The following EIF4E3 variants were observed in gnomAD, a reference collection of about 807,000 sequenced individuals.
EIF4E3 encodes eukaryotic translation initiation factor 4E family member 3, also known as eukaryotic translation initiation factor 4E type 3.
A neutral mutation model predicts 31.7 loss-of-function variants in EIF4E3; 26 were observed. The observed-to-expected ratio is 0.82, with a 90% CI of 0.60 to 1.14. The LOEUF (loss-of-function observed/expected upper bound fraction) is 1.14, where lower values mean the gene tolerates loss of function less well. EIF4E3 is among the 50% of genes most tolerant of loss of function. EIF4E3 has a pLI of 0.00. For synonymous variants in EIF4E3, 128 were observed against 107.7 expected (o/e 1.19, Z -1.17); for missense variants, 304 against 270.9 (o/e 1.12, Z -0.86).
intron 2 of EIF4E3, among the ~76,000 whole-genome samples, chr3:71,705,182 G>A (rs2049272074): frequency 6.6e-6 from 1 of 152,096 alleles, no homozygotes; most frequent in African/African-American, 2.4e-5. Context: ...GTCTTGCTGT[G>A]TCCAGGGCAG....
At chr3:71,670,547 G>T (rs2048842643), downstream of EIF4E3, among the ~76,000 whole-genome samples, 2 of 152,258 alleles carry the variant, frequency 1.3e-5, no homozygotes, top group South Asian at 4.2e-4. Flanking sequence ...AAAGTTTTTG[G>T]TGGGGAGAGG....
chr3:71,697,833 A>T (rs1687744231), intron 3 of EIF4E3, among the ~76,000 whole-genome samples: 1 of 152,184 alleles, frequency 6.6e-6, no homozygotes, highest in African/African-American at 2.4e-5. Context: ...ACTTAGGTTG[A>T]TTCCATATCT....
intron 1 of EIF4E3, among the ~76,000 whole-genome samples, chr3:71,731,628 G>A (rs994040761): frequency 1.3e-5 from 2 of 152,182 alleles, no homozygotes; most frequent in Admixed American, 6.5e-5. Context: ...AACAAACTGG[G>A]TATACAGCAG....
chr3:71,721,657 T>C (rs2049551420), intron 1 of EIF4E3, among the ~76,000 whole-genome samples: 1 of 152,180 alleles, frequency 6.6e-6, no homozygotes, highest in Non-Finnish European at 1.5e-5. Flanking sequence ...TGCACTCACT[T>C]GGTACTGCTG....
At chr3:71,740,161 T>C (rs937734535) in intron 1 of EIF4E3, among the ~76,000 whole-genome samples, 8 of 151,554 alleles carry the variant, frequency 5.3e-5, no homozygotes, top group Non-Finnish European at 8.8e-5. Flanking sequence ...AAAGAAAGCA[T>C]AAAAATAGGA....
chr3:71,737,971 T>G (rs1187135099), intron 1 of EIF4E3, among the ~76,000 whole-genome samples: 1 of 152,188 alleles, frequency 6.6e-6, no homozygotes, highest in Non-Finnish European at 1.5e-5. Flanking sequence ...TAAGACATGC[T>G]TTCTCAATTC....
intron 1 of EIF4E3, among the ~76,000 whole-genome samples, chr3:71,752,297 T>C (rs1313075436): frequency 6.6e-6 from 1 of 152,180 alleles, no homozygotes; most frequent in Non-Finnish European, 1.5e-5. Flanking sequence ...AGTTTGAGGC[T>C]CTGGACTAGG....
At chr3:71,722,411 GC>G (rs1402305100) in intron 1 of EIF4E3, among the ~76,000 whole-genome samples, 6 of 152,134 alleles carry the variant, frequency 3.9e-5, no homozygotes, top group Non-Finnish European at 7.4e-5. Context: ...GAGGCCTGAG[GC>G]CTGAGTCTTG....
chr3:71,665,234 G>C, the EIF4E3 span, among the ~76,000 whole-genome samples: 2 of 152,062 alleles, frequency 1.3e-5, no homozygotes, highest in Non-Finnish European at 2.9e-5. Context: ...GGAATAAATT[G>C]GGCTCTGAAA....
chr3:71,754,360 T>G, upstream of EIF4E3: 2 of 1,316,176 alleles, frequency 1.5e-6, no homozygotes, highest in Non-Finnish European at 2.0e-6. The surrounding 1 kb of genome is among the most constrained non-coding windows in gnomAD (Gnocchi z 5.8). Context: ...CTGGCCGCGC[T>G]CTTCTGCTTC....
chr3:71,683,176 C>T lies in EIF4E3; in HGVS notation c.*1506G>A, dbSNP rs2048944497. 1.3e-5 allele frequency: 2 copies of T among 152,088 alleles called. No homozygotes were observed. Among genetic ancestry groups the T allele is most frequent in the Admixed American group, 1.3e-4 (2 of 15,264 alleles). The allele number at this position is 152,088 out of a possible 1,614,324, so 9.4% of individuals were successfully genotyped here. A position where few individuals can be genotyped will look rare whatever the true frequency, so the allele number is the denominator to read the frequency against. On this transcript the variant is annotated 3_prime_UTR_variant, in exon 7 of 7. Transcript: ENST00000425534. Reference sequence around the variant, plus strand: ...ACTAACCAAGTGAAGGGCACAACTTCCATAAGCAGATAATGTTCAAAGTCC... The same window carrying T: ...ACTAACCAAGTGAAGGGCACAACTTTCATAAGCAGATAATGTTCAAAGTCC...
chr3:71,709,661 G>A lies in EIF4E3; in HGVS notation c.249+751C>T, dbSNP rs569407524. ...CTCCCAAACTCCTGGGATTTCAGGTGTGAGCCACTACGCCTGGCCAGTTGT... is the reference window on the plus strand; with the variant it reads ...CTCCCAAACTCCTGGGATTTCAGGTATGAGCCACTACGCCTGGCCAGTTGT... On this transcript the variant is annotated intron_variant, in intron 2 of 6. Coordinates refer to ENST00000425534, the MANE Select transcript of EIF4E3 (RefSeq NM_001134651.2). Among the ~76,000 whole-genome samples, 18 of 152,270 alleles carry A rather than the reference G, an allele frequency of 1.2e-4. No homozygotes were observed. In the South Asian group the frequency reaches 2.3e-3, roughly 19 times the overall value.
At chr3:71,739,747 G>T (rs1157276937) in intron 1 of EIF4E3, among the ~76,000 whole-genome samples, 1 of 152,032 alleles carries the variant, frequency 6.6e-6, no homozygotes. Flanking sequence ...GGAACATGAT[G>T]CCAGAAGGGA....
chr3:71,725,238 G>A lies in EIF4E3; in HGVS notation c.130C>T (p.Pro44Ser). The A allele has an allele frequency of 8.9e-7, 1 of 1,123,120 alleles. No homozygotes were observed. Among genetic ancestry groups the A allele is most frequent in the Non-Finnish European group, 1.1e-6 (1 of 913,544 alleles). 69.6% of individuals were successfully genotyped at this position (1,123,120 alleles called of 1,614,324 possible). ...GACGAGTGCAGCGGGACCCCGCCCG[G>A]CTCAGGCTGCAGCGCCGACAGCTGC... is the stretch of plus-strand genomic sequence containing the variant. ...LQQLSALQPE[P>S]GGVPLHSSWT... The change falls in exon 1 of 7, where the codon CCG (proline) becomes TCG (serine). Residue 44 changes from proline to serine, a missense_variant. Coordinates refer to ENST00000425534, the MANE Select transcript of EIF4E3 (RefSeq NM_001134651.2). This position sits in a 1 kb window ranked among gnomAD's most constrained non-coding sequence, Gnocchi z 6.1.
intron 1 of EIF4E3, among the ~76,000 whole-genome samples, chr3:71,743,897 G>A (rs1423480885): frequency 2.6e-5 from 4 of 152,054 alleles, no homozygotes; most frequent in Non-Finnish European, 5.9e-5. Flanking sequence ...TTAAAAAAAT[G>A]AATTTCAATC....
At chr3:71,667,674 T>C in the EIF4E3 span, among the ~76,000 whole-genome samples, 29 of 152,126 alleles carry the variant, frequency 1.9e-4, no homozygotes, top group African/African-American at 5.8e-4. Flanking sequence ...GAGAATAAAA[T>C]ACCTAGGAAT....
chr3:71,689,571 G>A (rs867902398), intron 6 of EIF4E3, among the ~76,000 whole-genome samples: 7 of 152,096 alleles, frequency 4.6e-5, no homozygotes, highest in African/African-American at 1.7e-4. Flanking sequence ...ATTCAATCAC[G>A]CCTGTGCTCA....
intron 2 of EIF4E3, among the ~76,000 whole-genome samples, chr3:71,702,850 T>C (rs2049237614): frequency 6.6e-6 from 1 of 152,168 alleles, no homozygotes; most frequent in Non-Finnish European, 1.5e-5. Flanking sequence ...GAATCTAGCA[T>C]TACTCAGCTC....
chr3:71,743,463 TGAGA>T (rs1230564895), intron 1 of EIF4E3, among the ~76,000 whole-genome samples: 2 of 152,134 alleles, frequency 1.3e-5, no homozygotes, highest in African/African-American at 2.4e-5. Context: ...AAAAGACTGC[TGAGA>T]GAAATAAAAG....
Sources: gnomAD v4.1 joint callset for allele counts (sites outside exome capture counted in the v4.1 genomes callset) on GRCh38, gnomAD v4.1.1 for gene constraint, Gnocchi (gnomAD v3.1) non-coding constraint, MANE v1.5 for transcripts, NCBI Gene and HGNC (gene_info 2026-07-23, HGNC 2026-07-21) for gene names.